The following SLC16A7 variants were observed in gnomAD, a reference collection of about 807,000 sequenced individuals.
SLC16A7 encodes the protein solute carrier family 16 member 7, also known as monocarboxylate transporter 2.
In SLC16A7, 33 loss-of-function variants were observed where a neutral mutation model predicts 34.9. The ratio of observed to expected loss-of-function variants is 0.94; its 90% CI spans 0.72 to 1.26. SLC16A7 has a LOEUF of 1.26. SLC16A7 is among the 50% of genes most tolerant of loss of function. SLC16A7 has a pLI of 0.00. For synonymous variants in SLC16A7, 201 were observed against 206.6 expected, an observed-to-expected ratio of 0.97 and a Z score of 0.23; for missense variants, 573 against 578.1, an observed-to-expected ratio of 0.99 and a Z score of 0.09.
At chr12:59,611,134 C>A (rs1212293616) in intron 1 of SLC16A7, among the ~76,000 whole-genome samples, 1 of 152,174 alleles carries the variant, frequency 6.6e-6, no homozygotes, top group Non-Finnish European at 1.5e-5. Flanking sequence ...TCAATCATCT[C>A]CTGTATTAAT....
chr12:59,780,898 A>G lies in SLC16A7; in HGVS notation c.*1219A>G, dbSNP rs1283392391. ...CAGGCCTTGTGCTCAACCACTGGAA[A>G]TGCCTCCTGGGATAAGAATGGCAGC... On this transcript the variant is annotated 3_prime_UTR_variant, in exon 6 of 6. Coordinates refer to ENST00000547379, the MANE Select transcript of SLC16A7 (RefSeq NM_001270623.2). 6.6e-6 allele frequency: 1 copy of G among 152,218 alleles called. No individual in the cohort carries two copies. The highest frequency in any genetic ancestry group is 1.5e-5 in the Non-Finnish European group (1 of 68,078). The allele number at this position is 152,218 out of a possible 1,614,324, so 9.4% of individuals were successfully genotyped here. A position where few individuals can be genotyped will look rare whatever the true frequency, so the allele number is the denominator to read the frequency against.
chr12:59,681,351 A>G (rs758149267), intron 2 of SLC16A7, among the ~76,000 whole-genome samples: 1 of 152,222 alleles, frequency 6.6e-6, no homozygotes, highest in Non-Finnish European at 1.5e-5. Context: ...CAAAGCAAAC[A>G]AAATTGTCAT....
intron 3 of SLC16A7, among the ~76,000 whole-genome samples, chr12:59,712,164 TTTTGA>T (rs1194349577): frequency 6.6e-6 from 1 of 152,222 alleles, no homozygotes; most frequent in East Asian, 1.9e-4. Context: ...AAATTGTAGT[TTTTGA>T]TTCACTGCAG....
chr12:59,654,535 G>T (rs865915275), intron 1 of SLC16A7, among the ~76,000 whole-genome samples: 1 of 151,534 alleles, frequency 6.6e-6, no homozygotes, highest in African/African-American at 2.4e-5. Flanking sequence ...ATTAAACATT[G>T]GTTATATTTT....
At chr12:59,697,919 T>C (rs1872498259) in intron 2 of SLC16A7, among the ~76,000 whole-genome samples, 1 of 151,822 alleles carries the variant, frequency 6.6e-6, no homozygotes. Context: ...TTATCTTTTA[T>C]TTACCCTATT....
intron 3 of SLC16A7, chr12:59,761,072 A>T (rs533574013): frequency 5.2e-6 from 4 of 762,284 alleles, no homozygotes; most frequent in African/African-American, 3.6e-5. Flanking sequence ...TCACGTCTTG[A>T]CAATATGATA....
chr12:59,751,026 A>G (rs1395837733), intron 3 of SLC16A7, among the ~76,000 whole-genome samples: 1 of 141,704 alleles, frequency 7.1e-6, no homozygotes, highest in Non-Finnish European at 1.5e-5. Context: ...AAACATGGAC[A>G]CAGGGAGGGG....
intron 1 of SLC16A7, among the ~76,000 whole-genome samples, chr12:59,616,771 T>C (rs976307614): frequency 6.6e-6 from 1 of 152,172 alleles, no homozygotes; most frequent in Non-Finnish European, 1.5e-5. Flanking sequence ...GAGCCTATTA[T>C]ATGAGGAGAA....
At chr12:59,756,058 A>T (rs899449910) in intron 3 of SLC16A7, among the ~76,000 whole-genome samples, 1 of 152,234 alleles carries the variant, frequency 6.6e-6, no homozygotes, top group Non-Finnish European at 1.5e-5. Flanking sequence ...AGCCATATGG[A>T]GAAAGCTGAA....
intron 3 of SLC16A7, among the ~76,000 whole-genome samples, chr12:59,731,242 G>A (rs1876917554): frequency 6.6e-6 from 1 of 152,154 alleles, no homozygotes; most frequent in Non-Finnish European, 1.5e-5. Flanking sequence ...AGAAAATCAT[G>A]AGTTAAGTGG....
chr12:59,661,098 T>A (rs1222105061), intron 2 of SLC16A7, among the ~76,000 whole-genome samples: 1 of 151,996 alleles, frequency 6.6e-6, no homozygotes, highest in East Asian at 1.9e-4. Flanking sequence ...GGTTGTGTGG[T>A]TGGGTGGGTG....
intron 1 of SLC16A7, among the ~76,000 whole-genome samples, chr12:59,650,236 G>A (rs1340607784): frequency 6.6e-6 from 1 of 152,072 alleles, no homozygotes; most frequent in Non-Finnish European, 1.5e-5. Flanking sequence ...ACATGAAAAA[G>A]AGTGTGTGTC....
chr12:59,638,967 G>A (rs1880553728), intron 1 of SLC16A7, among the ~76,000 whole-genome samples: 1 of 152,116 alleles, frequency 6.6e-6, no homozygotes. Context: ...TGAGCAAACT[G>A]TATAATACTT....
At chr12:59,695,372 T>C in intron 2 of SLC16A7, among the ~76,000 whole-genome samples, 1 of 152,130 alleles carries the variant, frequency 6.6e-6, no homozygotes, top group East Asian at 1.9e-4. Context: ...AAGCCACCGA[T>C]GGGTCCGAAG....
At chr12:59,646,049 G>A (rs779465312) in intron 1 of SLC16A7, among the ~76,000 whole-genome samples, 3 of 152,142 alleles carry the variant, frequency 2.0e-5, no homozygotes, top group Non-Finnish European at 2.9e-5. Flanking sequence ...AGTAAGTAGA[G>A]CATAAAAGTT....
At chr12:59,663,341 A>T (rs1282170633) in intron 2 of SLC16A7, among the ~76,000 whole-genome samples, 1 of 149,482 alleles carries the variant, frequency 6.7e-6, no homozygotes, top group Admixed American at 6.7e-5. Context: ...CATAAAATTG[A>T]GTCTTATTTT....
At chr12:59,635,803 AC>A (rs991995123) in intron 1 of SLC16A7, among the ~76,000 whole-genome samples, 8 of 151,978 alleles carry the variant, frequency 5.3e-5, no homozygotes, top group African/African-American at 1.9e-4. Flanking sequence ...AGGAAGGTAG[AC>A]TGTATACTGC....
At chr12:59,683,789 AC>A (rs1363835152) in intron 2 of SLC16A7, among the ~76,000 whole-genome samples, 1 of 152,236 alleles carries the variant, frequency 6.6e-6, no homozygotes, top group Non-Finnish European at 1.5e-5. Context: ...CAACAATTTA[AC>A]CTTTATGAGA....
At chr12:59,668,583 T>C (rs1869408249) in intron 2 of SLC16A7, among the ~76,000 whole-genome samples, 1 of 152,224 alleles carries the variant, frequency 6.6e-6, no homozygotes, top group African/African-American at 2.4e-5. Context: ...AACTTGCTTT[T>C]GATTTTACAG....
Sources: gnomAD v4.1 joint callset for allele counts (sites outside exome capture counted in the v4.1 genomes callset) on GRCh38, gnomAD v4.1.1 for gene constraint, MANE v1.5 for transcripts, NCBI Gene and HGNC (gene_info 2026-07-23, HGNC 2026-07-21) for gene names.